LTBP2: variants seen among roughly 807,000 people sequenced by gnomAD.
LTBP2 encodes the protein latent-transforming growth factor beta-binding protein 2.
A neutral mutation model predicts 210.6 loss-of-function variants in LTBP2; 103 were observed. That is an observed-to-expected ratio of 0.49 (90% CI 0.42 to 0.58). LTBP2 has a LOEUF of 0.58. Ranked by LOEUF, LTBP2 falls within the 20% of genes least tolerant of loss-of-function variation. LTBP2 has a pLI of 0.00. For synonymous variants in LTBP2, 1,007 were observed against 1,015.0 expected (o/e 0.99, Z 0.15); for missense variants, 2,313 against 2,494.5 (o/e 0.93, Z 1.55).
chr14:74,508,214 GA>G, intron 24 of LTBP2, 119 bp from the exon 25 acceptor site: 1 of 1,261,258 alleles, frequency 7.9e-7, no homozygotes, highest in Non-Finnish European at 1.1e-6. Context: ...GCTTATGTAG[GA>G]AAAGGCTCGA....
intron 18 of LTBP2, among the ~76,000 whole-genome samples, chr14:74,514,568 G>A (rs1462197691): frequency 1.3e-5 from 2 of 152,178 alleles, no homozygotes; most frequent in African/African-American, 2.4e-5. Flanking sequence ...GGTGGGGGTA[G>A]GGAAGGCACT....
chr14:74,509,210 G>T (rs2087035851), intron 22 of LTBP2, 28 bp downstream of exon 22: 1 of 1,613,208 alleles, frequency 6.2e-7, no homozygotes, highest in Admixed American at 1.7e-5. Context: ...CATCCCATTT[G>T]TATCCTCTCC....
In LTBP2 at chr14:74,528,709, A is replaced by T. The variant is rs781772239; in HGVS notation, c.2153-11T>A. The T allele has an allele frequency of 3.7e-6, 6 of 1,610,562 alleles. No individual in the cohort carries two copies. The highest frequency in any genetic ancestry group is 5.1e-6 in the Non-Finnish European group (6 of 1,179,906). ...TCTCTCTGAAGGCCTCTGCAAAGCC[A>T]ACAGCCAGAGGACAAACTGAGAGGT... On this transcript the variant is annotated splice_polypyrimidine_tract_variant and intron_variant, in intron 11 of 35. Transcript: ENST00000261978.
intron 3 of LTBP2, among the ~76,000 whole-genome samples, chr14:74,562,366 C>T (rs939625500): frequency 5.3e-5 from 8 of 152,190 alleles, no homozygotes; most frequent in Non-Finnish European, 1.5e-5. Context: ...AATTCAATGC[C>T]TATCAGGTGG....
At chr14:74,562,983 T>G (rs2087815134) in intron 3 of LTBP2, among the ~76,000 whole-genome samples, 1 of 152,182 alleles carries the variant, frequency 6.6e-6, no homozygotes, top group South Asian at 2.1e-4. Context: ...GGCTTGTGTA[T>G]CTGCAAGTGT....
At chr14:74,576,886 G>A (rs1423509054) in intron 3 of LTBP2, among the ~76,000 whole-genome samples, 1 of 152,126 alleles carries the variant, frequency 6.6e-6, no homozygotes, top group Non-Finnish European at 1.5e-5. Flanking sequence ...GCATTTGCAA[G>A]GCATGTTAAA....
intron 34 of LTBP2, among the ~76,000 whole-genome samples, chr14:74,502,375 C>T (rs2086920301): frequency 6.6e-6 from 1 of 151,334 alleles, no homozygotes; most frequent in African/African-American, 2.4e-5. Flanking sequence ...GAACAGCTTT[C>T]TCTCTCTCTC....
At chr14:74,584,488 C>T (rs2088177137) in intron 3 of LTBP2, among the ~76,000 whole-genome samples, 2 of 152,282 alleles carry the variant, frequency 1.3e-5, no homozygotes, top group Admixed American at 1.3e-4. Context: ...CCTCCAGGTG[C>T]CTTACACCAG....
chr14:74,598,576 A>C (rs565296462), intron 2 of LTBP2, among the ~76,000 whole-genome samples: 95 of 152,378 alleles, frequency 6.2e-4, no homozygotes, highest in Non-Finnish European at 1.0e-3. Flanking sequence ...AAACATGTAT[A>C]GAGTGCATCG....
intron 8 of LTBP2, among the ~76,000 whole-genome samples, chr14:74,543,098 G>A (rs1041407429): frequency 1.3e-5 from 2 of 151,460 alleles, no homozygotes; most frequent in Non-Finnish European, 2.9e-5. Flanking sequence ...TGGGGACTGG[G>A]CTGGGCACGG....
At chr14:74,516,196 C>T (rs531645269) in intron 18 of LTBP2, among the ~76,000 whole-genome samples, 3 of 152,360 alleles carry the variant, frequency 2.0e-5, no homozygotes, top group East Asian at 1.9e-4. Flanking sequence ...TCCTACAAGC[C>T]TGTGACACCC....
rs367714293 is a variant in LTBP2 at position 74,506,872 on chromosome 14, T to C, written c.3908-49A>G. On this transcript the variant is annotated intron_variant, in intron 26 of 35. Coordinates refer to ENST00000261978, the MANE Select transcript of LTBP2 (RefSeq NM_000428.3). ...TAGAGGATGTGTGTGTGTGTGTGTGTGTGTGTGCGCGCGCGCGTGTGTGCT... is the reference window on the plus strand; with the variant it reads ...TAGAGGATGTGTGTGTGTGTGTGTGCGTGTGTGCGCGCGCGCGTGTGTGCT... 1,199 of 1,500,456 alleles carry C rather than the reference T, an allele frequency of 8.0e-4. 7 individuals are homozygous for C. The African/African-American group carries it at 0.012, about 14-fold the overall frequency. 92.9% of individuals were successfully genotyped at this position (1,500,456 alleles called of 1,614,324 possible).
intron 21 of LTBP2, 107 bp downstream of exon 21, chr14:74,509,627 C>T (rs1044936496): frequency 7.9e-6 from 12 of 1,520,262 alleles, no homozygotes; most frequent in Non-Finnish European, 1.1e-5. Context: ...CTAGCCTAGC[C>T]TGGAGCCCCT....
intron 3 of LTBP2, among the ~76,000 whole-genome samples, chr14:74,571,422 A>G (rs2087975763): frequency 6.6e-6 from 1 of 152,232 alleles, no homozygotes; most frequent in Non-Finnish European, 1.5e-5. Context: ...CCTTCTGACA[A>G]TTCCATAAGG....
Position 74,611,870 on chromosome 14 carries a change from G to A in LTBP2, c.75C>T (p.Thr25=), listed in dbSNP as rs2088618739. 1.9e-6 allele frequency: 3 copies of A among 1,609,788 alleles called. No individual in the cohort carries two copies. The highest frequency in any genetic ancestry group is 2.5e-6 in the Non-Finnish European group (3 of 1,179,354). Residue 25 remains threonine, a synonymous_variant, in exon 1 of 36, where the codon ACC becomes ACT. Coordinates refer to ENST00000261978, the MANE Select transcript of LTBP2 (RefSeq NM_000428.3). ...RNPWRGFLPL[T]LALFVGAGHA... ...GACCCGCGCCCACGAAGAGAGCCAG[G>A]GTGAGCGGCAGGAAGCCTCTCCAGG...
rs773187637 is a variant in LTBP2, at chr14:74,586,733, T to A, written c.566-615A>T. Among the ~76,000 whole-genome samples the A allele has an allele frequency of 6.6e-6, 1 of 152,118 alleles. No homozygotes were observed. Among genetic ancestry groups the A allele is most frequent in the Non-Finnish European group, 1.5e-5 (1 of 68,018 alleles). On this transcript the variant is annotated intron_variant, in intron 2 of 35. Transcript: ENST00000261978. The surrounding 1 kb of genome is among the most constrained non-coding windows in gnomAD (Gnocchi z 4.6). Reference sequence around the variant, plus strand: ...CTCTAAGGGTCCTTCAAAGGCACCTTCAGCTTGACGGTCTCTCCTCTCCTT... The same window carrying A: ...CTCTAAGGGTCCTTCAAAGGCACCTACAGCTTGACGGTCTCTCCTCTCCTT...
rs149058720 is a variant in LTBP2, at chr14:74,572,350, T to C, written c.830+13504A>G. On this transcript the variant is annotated intron_variant, in intron 3 of 35. Transcript: ENST00000261978. The stretch of plus-strand genomic sequence containing the variant: ...GAGAGAGAGAGAGAGAGTGTGTGTG[T>C]GTGCATGCGCCATGACAGGGGGAGG... Among the ~76,000 whole-genome samples, 361 of 151,678 alleles carry C rather than the reference T, an allele frequency of 2.4e-3. 4 individuals are homozygous for C. Among genetic ancestry groups the C allele is most frequent in the African/African-American group, 8.4e-3 (346 of 41,348 alleles).
rs79726335 is a variant in LTBP2 at position 74,528,315 on chromosome 14, G to A, written c.2368+168C>T. 0.036 allele frequency among the ~76,000 whole-genome samples: 5,434 copies of A among 152,314 alleles called. 144 individuals are homozygous for A. Among genetic ancestry groups the A allele is most frequent in the South Asian group, 0.083 (401 of 4,826 alleles). ...TGGAAGAGGAAGTGGGTGGGGCCAG[G>A]CCATGAGAGAAGGCTGCCAGGGTTG... On this transcript the variant is annotated intron_variant, in intron 12 of 35. Coordinates refer to ENST00000261978, the MANE Select transcript of LTBP2 (RefSeq NM_000428.3).
rs770665645 is a variant in LTBP2, at chr14:74,507,965, G to A, written c.3775+8C>T. On this transcript the variant is annotated splice_region_variant and intron_variant, in intron 25 of 35. Transcript: ENST00000261978. ...CAGAGCCCTGTGCCCTCCCCCCAGA[G>A]CCCTTACCCACACACTCTCCACTCT... 6.2e-7 allele frequency: 1 copy of A among 1,612,798 alleles called. No homozygotes were observed. Among genetic ancestry groups the A allele is most frequent in the South Asian group, 1.1e-5 (1 of 91,040 alleles).
Sources: gnomAD v4.1 joint callset for allele counts (sites outside exome capture counted in the v4.1 genomes callset) on GRCh38, gnomAD v4.1.1 for gene constraint, Gnocchi (gnomAD v3.1) non-coding constraint, MANE v1.5 for transcripts, NCBI Gene and HGNC (gene_info 2026-07-23, HGNC 2026-07-21) for gene names.